CAST: variants seen among roughly 807,000 people sequenced by gnomAD.
The protein encoded by CAST is MIR583 host.
A neutral mutation model predicts 119.6 loss-of-function variants in CAST; 76 were observed. That is an observed-to-expected ratio of 0.64 (90% CI 0.53 to 0.77). The LOEUF (loss-of-function observed/expected upper bound fraction) is 0.77. Among genes scored for constraint, CAST ranks in the 30% least tolerant of loss-of-function variants. The pLI, the probability that CAST is intolerant of heterozygous loss-of-function variation, is 0.00. For missense variants in CAST, 953 were observed against 946.5 expected, an observed-to-expected ratio of 1.01 and a Z score of -0.09; for synonymous variants, 319 against 331.6, an observed-to-expected ratio of 0.96 and a Z score of 0.41.
the CAST span, among the ~76,000 whole-genome samples, chr5:96,386,094 T>C: frequency 6.6e-6 from 1 of 152,252 alleles, no homozygotes; most frequent in African/African-American, 2.4e-5. Flanking sequence ...GAGAATTTAA[T>C]TAAACAATGC....
At chr5:96,369,363 TC>T in the CAST span, among the ~76,000 whole-genome samples, 1 of 152,162 alleles carries the variant, frequency 6.6e-6, no homozygotes, top group Admixed American at 6.5e-5. Flanking sequence ...AATCTTTGTT[TC>T]TTCTAAGTTA....
At chr5:96,261,582 TAG>T in the CAST span, among the ~76,000 whole-genome samples, 1 of 152,206 alleles carries the variant, frequency 6.6e-6, no homozygotes. Flanking sequence ...TTGGAACTCT[TAG>T]AGGCCTTCCT....
At chr5:96,556,322 T>C (rs1746238757) in intron 1 of CAST, among the ~76,000 whole-genome samples, 2 of 152,186 alleles carry the variant, frequency 1.3e-5, no homozygotes. Flanking sequence ...TCCAAAGGAA[T>C]GCAGATCCTC....
At chr5:96,060,814 A>G in the CAST span, among the ~76,000 whole-genome samples, 1 of 152,134 alleles carries the variant, frequency 6.6e-6, no homozygotes, top group African/African-American at 2.4e-5. Context: ...AAAATACCAT[A>G]GACTGGGTGG....
Position 96,544,829 on chromosome 5 carries a change from T to TAAA in CAST, c.60+14957_60+14959dup, listed in dbSNP as rs397732689. On this transcript the variant is annotated intron_variant, in intron 1 of 11. Coordinates refer to the CAST transcript ENST00000505143. Reference sequence around the variant, plus strand: ...AAAAACCAGAGAGTTTAGGAGTGGATAAAAAAAAAACACAACTATATTTCC... The same window carrying TAAA: ...AAAAACCAGAGAGTTTAGGAGTGGATAAAAAAAAAAAAACACAACTATATTTCC... Among the ~76,000 whole-genome samples, 303 of 148,134 alleles carry TAAA rather than the reference T, an allele frequency of 2.0e-3. 3 individuals carry two copies. The highest frequency in any genetic ancestry group is 7.0e-3 in the African/African-American group (285 of 40,586).
chr5:96,455,656 A>G, the CAST span, among the ~76,000 whole-genome samples: 2 of 152,012 alleles, frequency 1.3e-5, no homozygotes, highest in African/African-American at 4.8e-5. Flanking sequence ...TCCACGCAGG[A>G]CCTCAGTCCT....
the CAST span, among the ~76,000 whole-genome samples, chr5:96,418,557 TC>T: frequency 1.3e-5 from 2 of 152,196 alleles, no homozygotes; most frequent in Admixed American, 6.5e-5. Flanking sequence ...AAATGTAGCT[TC>T]TATTAATCTC....
At chr5:96,685,948 T>C (rs1752033224) in intron 2 of CAST, among the ~76,000 whole-genome samples, 1 of 152,256 alleles carries the variant, frequency 6.6e-6, no homozygotes, top group African/African-American at 2.4e-5. Context: ...TTTCTTTATT[T>C]CTTTTTTCTT....
At chr5:96,520,829 G>C (rs1745506194), upstream of CAST, among the ~76,000 whole-genome samples, 1 of 152,020 alleles carries the variant, frequency 6.6e-6, no homozygotes, top group South Asian at 2.1e-4. Context: ...CTATGTACAG[G>C]CACCATTCCA....
At chr5:95,986,482 G>A in the CAST span, among the ~76,000 whole-genome samples, 3 of 152,222 alleles carry the variant, frequency 2.0e-5, no homozygotes, top group East Asian at 3.9e-4. Flanking sequence ...AAGCACTCTC[G>A]CCTAACCTAA....
At chr5:96,042,649 A>G in the CAST span, among the ~76,000 whole-genome samples, 23 of 152,288 alleles carry the variant, frequency 1.5e-4, no homozygotes, top group African/African-American at 5.1e-4. Context: ...TGATTATCAT[A>G]GTAAAAAGTT....
chr5:96,310,095 C>T, the CAST span, among the ~76,000 whole-genome samples: 3 of 152,288 alleles, frequency 2.0e-5, no homozygotes, highest in African/African-American at 7.2e-5. Flanking sequence ...TGTTGAATTA[C>T]TGTTATTCCA....
chr5:95,997,890 C>T, the CAST span, among the ~76,000 whole-genome samples: 2 of 151,738 alleles, frequency 1.3e-5, no homozygotes, highest in Admixed American at 1.3e-4. Context: ...TGTCAAAAGG[C>T]CCACGTCTCA....
the CAST span, among the ~76,000 whole-genome samples, chr5:96,011,013 A>C: frequency 6.6e-6 from 1 of 152,174 alleles, no homozygotes; most frequent in Non-Finnish European, 1.5e-5. Context: ...GGAGTTTTAA[A>C]GGTTTTCTAG....
the CAST span, among the ~76,000 whole-genome samples, chr5:96,317,476 CAAAAAAAAAAA>C: frequency 2.0e-5 from 1 of 50,578 alleles, no homozygotes; most frequent in Non-Finnish European, 3.4e-5. Context: ...GACTCCATCT[CAAAAAAAAAAA>C]AAAAAAAAAA....
chr5:96,059,784 A>G, the CAST span, among the ~76,000 whole-genome samples: 1 of 152,102 alleles, frequency 6.6e-6, no homozygotes, highest in Non-Finnish European at 1.5e-5. Flanking sequence ...CTGTGGGGTG[A>G]GAGTAGTCAT....
At chr5:96,429,389 G>A in the CAST span, 1 of 839,888 alleles carries the variant, frequency 1.2e-6, no homozygotes, top group African/African-American at 1.7e-5. Flanking sequence ...TTAAAACTCA[G>A]CTAACTTAGA....
chr5:96,421,939 A>G, the CAST span: 2 of 1,567,332 alleles, frequency 1.3e-6, no homozygotes, highest in African/African-American at 1.4e-5. Flanking sequence ...CATTAAAATC[A>G]TAGCTAGCCT....
At chr5:96,447,771 A>AAT in the CAST span, among the ~76,000 whole-genome samples, 1 of 152,148 alleles carries the variant, frequency 6.6e-6, no homozygotes, top group Admixed American at 6.5e-5. Flanking sequence ...GTGTGTGTAA[A>AAT]ATATATCACA....
Sources: gnomAD v4.1 joint callset for allele counts (sites outside exome capture counted in the v4.1 genomes callset) on GRCh38, gnomAD v4.1.1 for gene constraint, MANE v1.5 for transcripts, NCBI Gene and HGNC (gene_info 2026-07-23, HGNC 2026-07-21) for gene names.